The following ZACN variants were observed in gnomAD, a reference collection of about 807,000 sequenced individuals.
ZACN encodes zinc activated ion channel.
In ZACN, 52 loss-of-function variants were observed where a neutral mutation model predicts 38.9. The ratio of observed to expected loss-of-function variants is 1.34; its 90% CI spans 1.07 to 1.68. The LOEUF (loss-of-function observed/expected upper bound fraction) is 1.68. ZACN is among the 40% of genes most tolerant of loss of function. ZACN has a pLI of 0.00. For synonymous variants in ZACN, 235 were observed against 227.4 expected (o/e 1.03, Z -0.30); for missense variants, 559 against 525.6 (o/e 1.06, Z -0.62).
chr17:76,080,656 G>T, intron 5 of ZACN: 1 of 685,360 alleles, frequency 1.5e-6, no homozygotes, highest in East Asian at 2.9e-5. Flanking sequence ...TCTGTGCTCA[G>T]CGGTAGCCTC....
rs1204557244 is a variant in ZACN, at chr17:76,082,621, GC to G, written c.1208del (p.Ala403ValfsTer22). Reference protein sequence around the residue: ...ACKSDAAPGEAAPHGRRPRL With the variant: ...ACKSDAAPGEXAPHGRRPRL ...CAAGTCTGACGCAGCCCCTGGAGAG[GC>G]TGCACCCCATGGCAGGCGGCCTAGA... is the stretch of plus-strand genomic sequence containing the variant. On this transcript the variant is annotated frameshift_variant, in exon 9 of 9. Transcript: ENST00000334586. LOFTEE classifies it low-confidence loss of function (END_TRUNC). 1 of 1,613,014 alleles carries G rather than the reference GC, an allele frequency of 6.2e-7. No individual in the cohort carries two copies. The highest frequency in any genetic ancestry group is 8.5e-7 in the Non-Finnish European group (1 of 1,179,724).
At chr17:76,081,186 C>T in intron 5 of ZACN, 92 bp from the exon 6 acceptor site, 2 of 1,546,418 alleles carry the variant, frequency 1.3e-6, no homozygotes, top group South Asian at 1.2e-5. Flanking sequence ...CATCAAAAGT[C>T]TCCATCACCC....
At position 76,081,487 on chromosome 17, in the gene ZACN, C is replaced by T. The variant is rs531328918; in HGVS notation, c.670-58C>T. 159 of 1,609,636 alleles carry T rather than the reference C, an allele frequency of 9.9e-5. No individual in the cohort carries two copies. The East Asian group carries it at 3.4e-3, about 34-fold the overall frequency. ...GCACGGCCAGAGGCCAGGCCCCATG[C>T]CCCCGATGCCCACCTCCTTCCCCCC... On this transcript the variant is annotated intron_variant, in intron 6 of 8. Coordinates refer to ENST00000334586, the MANE Select transcript of ZACN (RefSeq NM_180990.4).
rs141605445 is a variant in ZACN at position 76,082,531 on chromosome 17, G to A, written c.1117G>A (p.Val373Met). Reference protein sequence around the residue: ...PETADRIFFLVYVVGVLCTQF... With the variant: ...PETADRIFFLMYVVGVLCTQF... Reference sequence around the variant, plus strand: ...GACTGCTGACCGCATCTTCTTCCTCGTGTATGTGGTTGGGGTGCTGTGCAC... The same window carrying A: ...GACTGCTGACCGCATCTTCTTCCTCATGTATGTGGTTGGGGTGCTGTGCAC... Residue 373 changes from valine (V) to methionine (M), a missense_variant, in exon 9 of 9, where the codon GTG becomes ATG. By Grantham distance (21) the Val-to-Met change is conservative (BLOSUM62 1). Coordinates refer to ENST00000334586, the MANE Select transcript of ZACN (RefSeq NM_180990.4). The A allele has an allele frequency of 8.0e-4, 1,298 of 1,613,874 alleles. 7 individuals carry two copies. The highest frequency in any genetic ancestry group is 2.7e-4 in the Non-Finnish European group (320 of 1,179,948).
intron 5 of ZACN, chr17:76,080,918 C>G (rs200409500): frequency 2.1e-5 from 9 of 437,518 alleles, no homozygotes; most frequent in African/African-American, 1.8e-4. Flanking sequence ...GAAGTCCTAC[C>G]CTTCCCTCCA....
At chr17:76,080,470 G>C (rs1240539076) in intron 5 of ZACN, 46 bp downstream of exon 5, 1 of 1,605,908 alleles carries the variant, frequency 6.2e-7, no homozygotes. Flanking sequence ...GGAGGAGGAA[G>C]GTGGGGGAGG....
rs1179639194 is a variant in ZACN at position 76,079,960 on chromosome 17, T to C, written c.340T>C (p.Ser114Pro). Reference sequence around the variant, plus strand: ...GCACGCCATCACGCTGCCCTGGGAGTCTCTCTGGACACCAAGGCTCACCAT... The same window carrying C: ...GCACGCCATCACGCTGCCCTGGGAGCCTCTCTGGACACCAAGGCTCACCAT... The part of the protein sequence containing the change: ...PRHAITLPWE[S>P]LWTPRLTILE... Residue 114 changes from serine (S) to proline (P), a missense_variant, in exon 4 of 9, where the codon TCT (serine) becomes CCT (proline). Ser to Pro is a moderately conservative substitution (Grantham distance 74). Coordinates refer to ENST00000334586, the MANE Select transcript of ZACN (RefSeq NM_180990.4). The C allele has an allele frequency of 1.9e-6, 3 of 1,596,608 alleles. No homozygotes were observed. Among genetic ancestry groups the C allele is most frequent in the Non-Finnish European group, 2.6e-6 (3 of 1,171,882 alleles).
chr17:76,080,757 A>G (rs1213718657), intron 5 of ZACN: 1 of 501,136 alleles, frequency 2.0e-6, no homozygotes, highest in Non-Finnish European at 3.9e-6. Context: ...TCCTCCCCAG[A>G]GCAACTGCCC....
In ZACN at chr17:76,079,302, T is replaced by C. The variant is rs2144554731; in HGVS notation, c.38T>C (p.Leu13Pro). Reference protein sequence around the residue: ...ALWSLLHLTFLGFSITLLLVH... With the variant: ...ALWSLLHLTFPGFSITLLLVH... ...TGGTCCCTGCTCCATCTCACCTTCC[T>C]GGGGTTCAGCATTACCTTGCTGTTG... The change falls in exon 1 of 9, where the codon CTG (leucine) becomes CCG (proline). Residue 13 changes from leucine (L) to proline (P), a missense_variant. Physicochemically the swap from Leu to Pro is moderately conservative, Grantham distance 98. Coordinates refer to ENST00000334586, the MANE Select transcript of ZACN (RefSeq NM_180990.4). 1 of 1,614,078 alleles carries C rather than the reference T, an allele frequency of 6.2e-7. No individual in the cohort carries two copies. Among genetic ancestry groups the C allele is most frequent in the Non-Finnish European group, 8.5e-7 (1 of 1,179,978 alleles).
At chr17:76,081,008 C>G in intron 5 of ZACN, 1 of 427,566 alleles carries the variant, frequency 2.3e-6, no homozygotes, top group South Asian at 2.0e-5. Flanking sequence ...CCACTTCTCC[C>G]TCCATCATGA....
intron 8 of ZACN, 58 bp from the exon 9 acceptor site, chr17:76,082,404 TC>T: frequency 6.6e-7 from 1 of 1,506,914 alleles, no homozygotes. Flanking sequence ...GGTTCGCTCT[TC>T]CGCTCATGTT....
In ZACN at chr17:76,082,741, C is replaced by G; in HGVS notation, c.*88C>G. 1 of 1,312,872 alleles carries G rather than the reference C, an allele frequency of 7.6e-7. No individual in the cohort carries two copies. Among genetic ancestry groups the G allele is most frequent in the Admixed American group, 2.7e-5 (1 of 37,068 alleles). The allele number at this position is 1,312,872 out of a possible 1,614,324, so 81.3% of individuals were successfully genotyped here. ...CCATGACAGGGCCTCTGGATTAAGC[C>G]ACCCTGAGCTCTCCCTCCGCTAGCA... is the stretch of plus-strand genomic sequence containing the variant. On this transcript the variant is annotated 3_prime_UTR_variant, in exon 9 of 9. Coordinates refer to ENST00000334586, the MANE Select transcript of ZACN (RefSeq NM_180990.4).
In ZACN at chr17:76,079,200, G is replaced by A. The variant is rs758980933; in HGVS notation, c.-65G>A. The A allele has an allele frequency of 1.4e-6, 2 of 1,470,216 alleles. No individual in the cohort carries two copies. 91.1% of individuals were successfully genotyped at this position (1,470,216 alleles called of 1,614,324 possible). A position where few individuals can be genotyped will look rare whatever the true frequency, so the allele number is the denominator to read the frequency against. On this transcript the variant is annotated 5_prime_UTR_variant, in exon 1 of 9. Transcript: ENST00000334586. ...TCTGGCTAATTGCTCAGCTGCCAGA[G>A]AAGTGACTGGAATAGAGGTTGTAGC...
Position 76,081,367 on chromosome 17 carries a change from C to T in ZACN, c.634C>T (p.Pro212Ser), listed in dbSNP as rs749977473. 6.2e-7 allele frequency: 1 copy of T among 1,614,152 alleles called. No homozygotes were observed. The highest frequency in any genetic ancestry group is 8.5e-7 in the Non-Finnish European group (1 of 1,180,032). Residue 212 changes from proline (P) to serine (S), a missense_variant, in exon 6 of 9, where the codon CCA becomes TCA. Coordinates refer to ENST00000334586, the MANE Select transcript of ZACN (RefSeq NM_180990.4). ...AGTTTATGATCTGAAGACCCAAGTCCCACCCCAGCAGCTGGTGCCCTGCTT... is the reference window on the plus strand; with the variant it reads ...AGTTTATGATCTGAAGACCCAAGTCTCACCCCAGCAGCTGGTGCCCTGCTT... Reference protein sequence around the residue: ...YVVYDLKTQVPPQQLVPCFQV... With the variant: ...YVVYDLKTQVSPQQLVPCFQV...
chr17:76,082,004 G>C lies in ZACN; in HGVS notation c.1003G>C (p.Gly335Arg). ...GAGCGGCCCCAGCCCAGCCCCGAGA[G>C]GGGAACAGCGAGAGCACGGCAACCC... The part of the protein sequence containing the change: ...AKSGPSPAPR[G>R]EQREHGNPGP... The change falls in exon 8 of 9, where the codon GGG becomes CGG. Residue 335 changes from glycine to arginine, a missense_variant. By Grantham distance (125) the Gly-to-Arg change is moderately radical. Coordinates refer to ENST00000334586, the MANE Select transcript of ZACN (RefSeq NM_180990.4). 2 of 1,611,596 alleles carry C rather than the reference G, an allele frequency of 1.2e-6. No homozygotes were observed. Among genetic ancestry groups the C allele is most frequent in the East Asian group, 4.5e-5 (2 of 44,832 alleles).
chr17:76,081,779 T>C (rs1185933265), intron 7 of ZACN, 24 bp downstream of exon 7: 3 of 1,613,802 alleles, frequency 1.9e-6, no homozygotes, highest in South Asian at 1.1e-5. Context: ...CCTTACCCAG[T>C]CTGCCCTGTT....
rs544704081 is a variant in ZACN, at chr17:76,079,524, C to A, written c.183C>A (p.Leu61=). The A allele has an allele frequency of 3.7e-6, 6 of 1,614,164 alleles. No individual in the cohort carries two copies. Among genetic ancestry groups the A allele is most frequent in the Non-Finnish European group, 4.2e-6 (5 of 1,180,028 alleles). Residue 61 remains leucine, a synonymous_variant, in exon 2 of 9, where the codon CTC becomes CTA. Transcript: ENST00000334586. ...CGAACAATGGGAGTGCGCCCCTGCT[C>A]GTGGATGTGCGGGTGTTTGTCTCCA... ...QIPNNGSAPL[L]VDVRVFVSNV... is the part of the protein sequence containing the mutation.
Position 76,079,312 on chromosome 17 carries a change from C to A in ZACN, c.48C>A (p.Ser16Arg). The A allele has an allele frequency of 3.1e-6, 5 of 1,614,138 alleles. No homozygotes were observed. The highest frequency in any genetic ancestry group is 4.2e-6 in the Non-Finnish European group (5 of 1,179,996). ...TCCATCTCACCTTCCTGGGGTTCAG[C>A]ATTACCTTGCTGTTGGTCCACGGGC... ...SLLHLTFLGFSITLLLVHGQG... is the reference protein window; with the variant it reads ...SLLHLTFLGFRITLLLVHGQG... The change falls in exon 1 of 9, where the codon AGC (serine) becomes AGA (arginine). Residue 16 changes from serine (S) to arginine (R), a missense_variant. Coordinates refer to ENST00000334586, the MANE Select transcript of ZACN (RefSeq NM_180990.4).
rs775089186 is a variant in ZACN at position 76,079,883 on chromosome 17, C to T, written c.268-5C>T. ...GGAGCCTCAGTGGTGCCCTTGTGTC[C>T]CCAGTCCTGGCTGGACACTCGCCTG... On this transcript the variant is annotated splice_region_variant and splice_polypyrimidine_tract_variant and intron_variant, in intron 3 of 8. Coordinates refer to ENST00000334586, the MANE Select transcript of ZACN (RefSeq NM_180990.4). 2 of 1,589,294 alleles carry T rather than the reference C, an allele frequency of 1.3e-6. No homozygotes were observed. Among genetic ancestry groups the T allele is most frequent in the East Asian group, 4.6e-5 (2 of 43,294 alleles).
Sources: gnomAD v4.1 joint callset for allele counts on GRCh38, gnomAD v4.1.1 for gene constraint, MANE v1.5 for transcripts, NCBI Gene and HGNC (gene_info 2026-07-23, HGNC 2026-07-21) for gene names.